The following TBCD variants were observed in gnomAD, a reference collection of about 807,000 sequenced individuals.
The protein encoded by TBCD is tubulin folding cofactor D, also known as tubulin-specific chaperone D.
Under a neutral mutation model 169.3 loss-of-function variants are expected in TBCD, and 105 were observed. The ratio of observed to expected loss-of-function variants is 0.62; its 90% CI spans 0.53 to 0.73. The LOEUF is 0.73. Ranked by LOEUF, TBCD falls within the 30% of genes least tolerant of loss-of-function variation. The pLI is 0.00. For missense variants in TBCD, 1,444 were observed against 1,600.1 expected (o/e 0.90, Z 1.66); for synonymous variants, 700 against 643.9 (o/e 1.09, Z -1.32).
intron 13 of TBCD, among the ~76,000 whole-genome samples, chr17:82,866,496 A>G (rs1337584134): frequency 3.9e-5 from 6 of 152,254 alleles, no homozygotes. Context: ...GTCAGCAGCC[A>G]GGCCTTGGCA....
intron 13 of TBCD, among the ~76,000 whole-genome samples, chr17:82,844,206 C>CGTGTGTGTGTGTGTGGGT (rs2054800091): frequency 7.8e-6 from 1 of 127,410 alleles, no homozygotes; most frequent in South Asian, 2.9e-4. Flanking sequence ...GGATGTTCTC[C>CGTGTGTGTGTGTGTGGGT]GTGTGTGTGT....
At chr17:82,830,523 A>G in intron 13 of TBCD, 1 of 1,613,998 alleles carries the variant, frequency 6.2e-7, no homozygotes, top group South Asian at 1.1e-5. Flanking sequence ...GCTTGGTCTC[A>G]GGGTGGCTGG....
rs1192196643 is a variant in TBCD, at chr17:82,835,031, G to A, written c.1318+20097G>A. 6.6e-6 allele frequency among the ~76,000 whole-genome samples: 1 copy of A among 152,124 alleles called. No homozygotes were observed. The highest frequency in any genetic ancestry group is 2.4e-5 in the African/African-American group (1 of 41,420). On this transcript the variant is annotated intron_variant, in intron 13 of 38. Coordinates refer to ENST00000355528, the MANE Select transcript of TBCD (RefSeq NM_005993.5). The surrounding 1 kb of genome is among the most constrained non-coding windows in gnomAD (Gnocchi z 4.5). ...GGAGCTGTCATCCCACCACCGCACT[G>A]CAGCCTGGTGGGCAACAGAATGAGA...
chr17:82,936,280 G>C (rs1210001384), intron 34 of TBCD, among the ~76,000 whole-genome samples: 2 of 152,202 alleles, frequency 1.3e-5, no homozygotes, highest in East Asian at 1.9e-4. Flanking sequence ...GTGATTTGTG[G>C]AATTCTTATT....
intron 1 of TBCD, among the ~76,000 whole-genome samples, chr17:82,753,950 C>T (rs1015241297): frequency 1.4e-5 from 2 of 146,004 alleles, no homozygotes; most frequent in African/African-American, 5.4e-5. Flanking sequence ...TCACTGCAAC[C>T]TCCACAACCT....
intron 9 of TBCD, among the ~76,000 whole-genome samples, chr17:82,802,576 C>T (rs2050650723): frequency 6.6e-6 from 1 of 152,176 alleles, no homozygotes; most frequent in African/African-American, 2.4e-5. Context: ...GGCCAAAGGC[C>T]TCAGGGTGGA....
chr17:82,871,719 C>T (rs1276546001), intron 14 of TBCD, among the ~76,000 whole-genome samples: 1 of 152,254 alleles, frequency 6.6e-6, no homozygotes, highest in Admixed American at 6.5e-5. Context: ...TGCTGGGTCC[C>T]CTCTGCCCCG....
chr17:82,786,064 A>G (rs189880573), intron 7 of TBCD, among the ~76,000 whole-genome samples: 3 of 152,120 alleles, frequency 2.0e-5, no homozygotes, highest in African/African-American at 7.2e-5. Context: ...CACGGCCTTC[A>G]TGATCGTGTT....
intron 30 of TBCD, 79 bp from the exon 31 acceptor site, chr17:82,929,034 C>T (rs1426757521): frequency 1.0e-5 from 16 of 1,526,070 alleles, no homozygotes; most frequent in African/African-American, 4.1e-5. Flanking sequence ...AGTCACGGCT[C>T]GGACCGCCTG....
At chr17:82,793,357 G>T (rs1179156072) in intron 7 of TBCD, among the ~76,000 whole-genome samples, 2 of 152,180 alleles carry the variant, frequency 1.3e-5, no homozygotes, top group Admixed American at 6.5e-5. Context: ...GTTTCTGAGC[G>T]CTCTCCCGTC....
chr17:82,773,709 G>A (rs1476284197), intron 6 of TBCD, among the ~76,000 whole-genome samples: 1 of 151,734 alleles, frequency 6.6e-6, no homozygotes, highest in Admixed American at 6.6e-5. Context: ...TGGTGCGAGA[G>A]TGTCTTTTCT....
At chr17:82,933,273 C>CTTT (rs10639851) in intron 34 of TBCD, among the ~76,000 whole-genome samples, 25,714 of 114,424 alleles carry the variant, frequency 0.22, 3,522 homozygotes, top group South Asian at 0.24. Flanking sequence ...TTGGGCCAGT[C>CTTT]TTTTTTTTTT....
chr17:82,890,850 G>A lies in TBCD; in HGVS notation c.1563+1153G>A, dbSNP rs561702748. ...GACAGCAAGAGCCGCCCAGGCCAAG[G>A]AGAATGTGAACGAGGTTTGGTCTTT... On this transcript the variant is annotated intron_variant, in intron 16 of 38. Transcript: ENST00000355528. The surrounding 1 kb of genome is among the most constrained non-coding windows in gnomAD (Gnocchi z 5.3). Among the ~76,000 whole-genome samples, 4 of 152,340 alleles carry A rather than the reference G, an allele frequency of 2.6e-5. No individual in the cohort carries two copies. In the South Asian group the frequency reaches 8.3e-4, roughly 32 times the overall value.
chr17:82,944,187 C>T lies in TBCD; in HGVS notation c.*1724C>T, dbSNP rs1166480621. Reference sequence around the variant, plus strand: ...TACCCACCCAGACCCATCAGTGACACTATGTGGCAAAGCAGTTCTTCTTTT... The same window carrying T: ...TACCCACCCAGACCCATCAGTGACATTATGTGGCAAAGCAGTTCTTCTTTT... On this transcript the variant is annotated 3_prime_UTR_variant, in exon 39 of 39. Transcript: ENST00000355528. 1.3e-5 allele frequency: 2 copies of T among 152,216 alleles called. No individual in the cohort carries two copies. Among genetic ancestry groups the T allele is most frequent in the Non-Finnish European group, 2.9e-5 (2 of 68,040 alleles). The allele number at this position is 152,216 out of a possible 1,614,324, so 9.4% of individuals were successfully genotyped here. A position where few individuals can be genotyped will look rare whatever the true frequency, so the allele number is the denominator to read the frequency against.
At chr17:82,799,451 A>AAAAAAAG (rs1568151311) in intron 8 of TBCD, among the ~76,000 whole-genome samples, 2 of 147,000 alleles carry the variant, frequency 1.4e-5, no homozygotes, top group African/African-American at 2.7e-5. Context: ...CAAAAAAAAA[A>AAAAAAAG]AAAAAAAAAA....
chr17:82,863,722 C>A (rs557662589), intron 13 of TBCD, among the ~76,000 whole-genome samples: 1 of 152,140 alleles, frequency 6.6e-6, no homozygotes, highest in Non-Finnish European at 1.5e-5. Flanking sequence ...TAAGCCTCCT[C>A]GGGAAGCAGC....
In TBCD at chr17:82,896,240, T is replaced by C. The variant is rs1490482650; in HGVS notation, c.1649+2608T>C. Among the ~76,000 whole-genome samples, 3 of 152,324 alleles carry C rather than the reference T, an allele frequency of 2.0e-5. No homozygotes were observed. In the East Asian group the frequency reaches 5.8e-4, roughly 29 times the overall value. ...CCTCTGCTCCATGCTTCCTGCAGAC[T>C]GTCCGCCTGTGGGGACCGTCCCCCG... On this transcript the variant is annotated intron_variant, in intron 17 of 38. Transcript: ENST00000355528.
chr17:82,761,788 C>T (rs994194795), intron 2 of TBCD, among the ~76,000 whole-genome samples: 8 of 150,398 alleles, frequency 5.3e-5, no homozygotes, highest in Non-Finnish European at 8.9e-5. Context: ...TGCAGTGGTG[C>T]GATCTCGGCT....
At position 82,807,527 on chromosome 17, in the gene TBCD, G is replaced by A. The variant is rs572795698; in HGVS notation, c.1088-81G>A. ...CCCTTCGGCGTGTGCACTGAGTAGC[G>A]TACAGGATGGGTCACCTTACAGCTG... is the stretch of plus-strand genomic sequence containing the variant. On this transcript the variant is annotated intron_variant, in intron 10 of 38. Transcript: ENST00000355528. The A allele has an allele frequency of 3.4e-5, 38 of 1,112,894 alleles. No homozygotes were observed. In the African/African-American group the frequency reaches 4.8e-4, roughly 14 times the overall value. 68.9% of individuals were successfully genotyped at this position (1,112,894 alleles called of 1,614,324 possible).
Sources: gnomAD v4.1 joint callset for allele counts (sites outside exome capture counted in the v4.1 genomes callset) on GRCh38, gnomAD v4.1.1 for gene constraint, Gnocchi (gnomAD v3.1) non-coding constraint, MANE v1.5 for transcripts, NCBI Gene and HGNC (gene_info 2026-07-23, HGNC 2026-07-21) for gene names.